Variants in NIPSNAP1 observed in about 807,000 individuals in gnomAD.
NIPSNAP1 encodes the protein nipsnap homolog 1.
A neutral mutation model predicts 49.2 loss-of-function variants in NIPSNAP1; 25 were observed. The observed-to-expected ratio is 0.51, with a 90% confidence interval of 0.37 to 0.71. The LOEUF is 0.71. Among genes scored for constraint, NIPSNAP1 ranks in the 30% least tolerant of loss-of-function variants. NIPSNAP1 has a pLI of 0.00. For synonymous variants in NIPSNAP1, 143 were observed against 140.7 expected, an observed-to-expected ratio of 1.02 and a Z score of -0.12; for missense variants, 294 against 361.0, an observed-to-expected ratio of 0.81 and a Z score of 1.50.
At chr22:29,569,345 A>G (rs2064390257) in intron 3 of NIPSNAP1, 58 bp from the exon 4 acceptor site, 7 of 1,321,278 alleles carry the variant, frequency 5.3e-6, no homozygotes, top group Non-Finnish European at 7.6e-6. Flanking sequence ...CCTCTGAGAT[A>G]AGGGTTCAAA....
In NIPSNAP1 at chr22:29,556,299, C is replaced by T. The variant is rs1040448154; in HGVS notation, c.791-300G>A. On this transcript the variant is annotated intron_variant, in intron 9 of 9. Transcript: ENST00000216121. ...CAGCACTTAGAGAGGCCAAGACAGG[C>T]GGATCACCTGAGGTCAGGAGTTCGA... 5.3e-5 allele frequency among the ~76,000 whole-genome samples: 8 copies of T among 152,256 alleles called. No homozygotes were observed. In the East Asian group the frequency reaches 1.4e-3, roughly 26 times the overall value.
chr22:29,569,114 TGGA>T, intron 4 of NIPSNAP1, 76 bp downstream of exon 4: 1 of 1,108,324 alleles, frequency 9.0e-7, no homozygotes, highest in African/African-American at 1.5e-5. Context: ...GGAGAGGGAG[TGGA>T]GAACAGCCAG....
chr22:29,576,251 C>T (rs1257341896), intron 1 of NIPSNAP1, among the ~76,000 whole-genome samples: 3 of 150,968 alleles, frequency 2.0e-5, no homozygotes, highest in Non-Finnish European at 4.4e-5. Context: ...AACTCCTGAC[C>T]TCAAGTGATC....
chr22:29,574,055 C>T (rs2064430574), intron 1 of NIPSNAP1, among the ~76,000 whole-genome samples: 1 of 150,436 alleles, frequency 6.6e-6, no homozygotes, highest in South Asian at 2.1e-4. Flanking sequence ...CAGGAGTTCA[C>T]GACTAGCCTG....
chr22:29,561,081 G>A, intron 7 of NIPSNAP1, 90 bp downstream of exon 7: 1 of 1,226,540 alleles, frequency 8.2e-7, no homozygotes, highest in Non-Finnish European at 1.2e-6. Context: ...CTGTGATATG[G>A]CCCTGGAAAA....
chr22:29,573,791 G>A (rs1316317029), intron 1 of NIPSNAP1, among the ~76,000 whole-genome samples: 4 of 115,842 alleles, frequency 3.5e-5, no homozygotes, highest in Non-Finnish European at 7.7e-5. Flanking sequence ...AATTAGCCAG[G>A]TGTGGTCGAG....
Position 29,579,971 on chromosome 22 carries a change from C to T in NIPSNAP1, c.98+1014G>A, listed in dbSNP as rs1480143998. ...CTTTCCCAGCTGTCCAAAAGCCCCA[C>T]TGCTCTGTGCTGTAACATCTCATGG... On this transcript the variant is annotated intron_variant, in intron 1 of 9. Transcript: ENST00000216121. The T allele has an allele frequency of 5.1e-6, 4 of 791,776 alleles. No homozygotes were observed. In the African/African-American group the frequency reaches 7.2e-5, roughly 14 times the overall value. 49.0% of individuals were successfully genotyped at this position (791,776 alleles called of 1,614,324 possible).
intron 8 of NIPSNAP1, among the ~76,000 whole-genome samples, chr22:29,559,824 CCTG>C (rs1414467202): frequency 2.4e-4 from 36 of 152,294 alleles, no homozygotes; most frequent in Admixed American, 2.4e-3. Flanking sequence ...TTCCTGAAGC[CCTG>C]CTTTCTCTCT....
chr22:29,563,819 A>G (rs1569246239), intron 4 of NIPSNAP1, among the ~76,000 whole-genome samples: 1 of 152,184 alleles, frequency 6.6e-6, no homozygotes, highest in Non-Finnish European at 1.5e-5. Context: ...TTAGAATGAC[A>G]AGTCTACAAG....
intron 9 of NIPSNAP1, among the ~76,000 whole-genome samples, chr22:29,557,345 C>A (rs1444522971): frequency 2.0e-5 from 3 of 152,158 alleles, no homozygotes; most frequent in African/African-American, 7.2e-5. Context: ...GTCTCCAACT[C>A]CTGGCCTCAA....
chr22:29,556,237 T>C (rs468217), intron 9 of NIPSNAP1, among the ~76,000 whole-genome samples: 79,630 of 151,954 alleles, frequency 0.52, 21,008 homozygotes, highest in South Asian at 0.69. Flanking sequence ...TTAATAGTTA[T>C]CTGTTGGCCA....
chr22:29,572,545 A>G (rs950755615), intron 1 of NIPSNAP1, among the ~76,000 whole-genome samples: 6 of 152,052 alleles, frequency 3.9e-5, no homozygotes, highest in Admixed American at 3.9e-4. Context: ...TGACTGGCTT[A>G]TGCCTGTAAT....
intron 4 of NIPSNAP1, among the ~76,000 whole-genome samples, chr22:29,566,159 T>C (rs1005432153): frequency 1.8e-5 from 1 of 55,854 alleles, no homozygotes; most frequent in African/African-American, 1.1e-4. Context: ...AATCTTTTCT[T>C]CTTTTTTTTT....
intron 1 of NIPSNAP1, among the ~76,000 whole-genome samples, chr22:29,572,038 C>A (rs1431191944): frequency 3.9e-5 from 6 of 152,186 alleles, no homozygotes; most frequent in Non-Finnish European, 8.8e-5. Context: ...TGTGATGGCT[C>A]ACGCCTGCAA....
At position 29,566,548 on chromosome 22, in the gene NIPSNAP1, C is replaced by T. The variant is rs375109365; in HGVS notation, c.367+2645G>A. Among the ~76,000 whole-genome samples, 7 of 152,244 alleles carry T rather than the reference C, an allele frequency of 4.6e-5. No homozygotes were observed. The East Asian group carries it at 5.8e-4, about 13-fold the overall frequency. On this transcript the variant is annotated intron_variant, in intron 4 of 9. Transcript: ENST00000216121. ...TCAATAGCTACATGTGAGGCCAGGGCGCAGTGGCTCACACCTGTAATCTCA... is the reference window on the plus strand; with the variant it reads ...TCAATAGCTACATGTGAGGCCAGGGTGCAGTGGCTCACACCTGTAATCTCA...
chr22:29,572,806 T>TAAA (rs695508), intron 1 of NIPSNAP1, among the ~76,000 whole-genome samples: 28 of 150,370 alleles, frequency 1.9e-4, no homozygotes, highest in Admixed American at 6.0e-4. Flanking sequence ...CTCAAAAAAA[T>TAAA]AAAATAAAAT....
At chr22:29,574,283 A>AAAAAAAAG (rs2064433899) in intron 1 of NIPSNAP1, among the ~76,000 whole-genome samples, 1 of 111,206 alleles carries the variant, frequency 9.0e-6, no homozygotes, top group African/African-American at 4.5e-5. Context: ...AAAAAAAAAA[A>AAAAAAAAG]AAAAAAAAAG....
chr22:29,562,085 A>G (rs1170284209), intron 4 of NIPSNAP1, among the ~76,000 whole-genome samples: 3 of 152,160 alleles, frequency 2.0e-5, no homozygotes, highest in East Asian at 1.9e-4. Context: ...AGCTCTGCCC[A>G]GCAGCCTTGG....
chr22:29,567,927 T>C (rs947271949), intron 4 of NIPSNAP1, among the ~76,000 whole-genome samples: 2 of 151,448 alleles, frequency 1.3e-5, no homozygotes, highest in African/African-American at 4.9e-5. Context: ...TCTACAATCC[T>C]AGCACTTTGG....
Sources: gnomAD v4.1 joint callset for allele counts (sites outside exome capture counted in the v4.1 genomes callset) on GRCh38, gnomAD v4.1.1 for gene constraint, MANE v1.5 for transcripts, NCBI Gene and HGNC (gene_info 2026-07-23, HGNC 2026-07-21) for gene names.